HDAC4: variants seen among roughly 807,000 people sequenced by gnomAD.
HDAC4 encodes the protein histone deacetylase 4, also known as histone deacetylase A.
In HDAC4, 16 loss-of-function variants were observed where a neutral mutation model predicts 135.1. The observed-to-expected ratio is 0.12, with a 90% confidence interval of 0.08 to 0.18. HDAC4 has a LOEUF of 0.18. HDAC4 is among the 10% of genes least tolerant of loss of function. The pLI is 1.00. For synonymous variants in HDAC4, 685 were observed against 653.4 expected, an observed-to-expected ratio of 1.05 and a Z score of -0.74; for missense variants, 1,143 against 1,511.8, an observed-to-expected ratio of 0.76 and a Z score of 4.05.
chr2:239,173,164 C>T (rs2043558205), intron 5 of HDAC4, among the ~76,000 whole-genome samples: 1 of 152,130 alleles, frequency 6.6e-6, no homozygotes. Context: ...CTGAGGCCAG[C>T]ACAGTCATGA....
chr2:239,092,341 C>T (rs1449352382), intron 17 of HDAC4, among the ~76,000 whole-genome samples: 6 of 152,106 alleles, frequency 3.9e-5, no homozygotes, highest in African/African-American at 7.2e-5. Context: ...CCAGCAGAGG[C>T]GGGGTCCCAG....
chr2:239,078,133 C>G (rs532463406), intron 22 of HDAC4, among the ~76,000 whole-genome samples: 1 of 152,194 alleles, frequency 6.6e-6, no homozygotes. Context: ...TCATCGTCAT[C>G]GTCATCTCCC....
intron 3 of HDAC4, among the ~76,000 whole-genome samples, chr2:239,196,530 C>T (rs1038312525): frequency 1.3e-5 from 2 of 152,196 alleles, no homozygotes; most frequent in African/African-American, 4.8e-5. Context: ...GAGGAGTTGA[C>T]GATGGTTCCC....
At chr2:239,103,164 C>T (rs939252475) in intron 15 of HDAC4, among the ~76,000 whole-genome samples, 1 of 152,192 alleles carries the variant, frequency 6.6e-6, no homozygotes, top group African/African-American at 2.4e-5. Flanking sequence ...ATGCATTACC[C>T]TTCACTGTCG....
At chr2:239,252,804 T>A (rs1313011514) in intron 2 of HDAC4, among the ~76,000 whole-genome samples, 1 of 152,232 alleles carries the variant, frequency 6.6e-6, no homozygotes, top group African/African-American at 2.4e-5. Context: ...TAATCCCTTA[T>A]CTTCTGTTTA....
intron 15 of HDAC4, among the ~76,000 whole-genome samples, 187 bp from the exon 16 acceptor site, chr2:239,103,083 G>T (rs1314369948): frequency 1.3e-5 from 2 of 152,206 alleles, no homozygotes; most frequent in African/African-American, 4.8e-5. Context: ...AAATATTTAA[G>T]AAATATTTTA....
intron 3 of HDAC4, among the ~76,000 whole-genome samples, chr2:239,214,439 T>C (rs2046511327): frequency 6.6e-6 from 1 of 152,218 alleles, no homozygotes; most frequent in Non-Finnish European, 1.5e-5. Context: ...AGAGCTCCTT[T>C]GGCCGGGTAA....
rs954889194 is a variant in HDAC4 at position 239,364,773 on chromosome 2, C to T, written c.-219-11855G>A. Among the ~76,000 whole-genome samples the T allele has an allele frequency of 4.6e-5, 7 of 152,242 alleles. No homozygotes were observed. The East Asian group carries it at 7.7e-4, about 17-fold the overall frequency. Reference sequence around the variant, plus strand: ...ATCTGACTGGTCCATGCAGCTTGCACGATCTTACCTGGACTTTCCAGACAG... The same window carrying T: ...ATCTGACTGGTCCATGCAGCTTGCATGATCTTACCTGGACTTTCCAGACAG... On this transcript the variant is annotated intron_variant, in intron 1 of 26. Coordinates refer to ENST00000543185, the MANE Select transcript of HDAC4 (RefSeq NM_001378414.1).
rs981798733 is a variant in HDAC4 at position 239,379,922 on chromosome 2, C to T, written c.-220+21056G>A. Among the ~76,000 whole-genome samples the T allele has an allele frequency of 4.6e-5, 7 of 152,184 alleles. No individual in the cohort carries two copies. The East Asian group carries it at 7.7e-4, about 17-fold the overall frequency. ...GGGATAGGGAGACAGTGGAATGCTC[C>T]GGACCTGGCTGCGGGGTGACTCGGG... On this transcript the variant is annotated intron_variant, in intron 1 of 26. Coordinates refer to ENST00000543185, the MANE Select transcript of HDAC4 (RefSeq NM_001378414.1).
intron 7 of HDAC4, among the ~76,000 whole-genome samples, chr2:239,149,537 C>T (rs771718886): frequency 4.5e-4 from 69 of 152,174 alleles, no homozygotes; most frequent in Middle Eastern, 3.4e-3. Context: ...AACAGGTGAA[C>T]GCACTGCCGC....
intron 15 of HDAC4, 52 bp downstream of exon 15, chr2:239,107,998 C>G: frequency 1.2e-6 from 2 of 1,607,424 alleles, no homozygotes; most frequent in Non-Finnish European, 1.7e-6. Context: ...ACGAGGGTCC[C>G]CTCTAATGGT....
chr2:239,210,087 C>T (rs1209419251), intron 3 of HDAC4, among the ~76,000 whole-genome samples: 1 of 152,190 alleles, frequency 6.6e-6, no homozygotes, highest in Admixed American at 6.5e-5. Flanking sequence ...GCAACAAGCC[C>T]TCTCCTTAGG....
intron 3 of HDAC4, among the ~76,000 whole-genome samples, chr2:239,220,789 A>G (rs957574074): frequency 6.6e-6 from 1 of 152,222 alleles, no homozygotes; most frequent in Non-Finnish European, 1.5e-5. Flanking sequence ...AACGAGCCAT[A>G]TATTTTATTA....
chr2:239,282,680 CCA>C (rs2050867499), intron 2 of HDAC4, among the ~76,000 whole-genome samples: 1 of 150,642 alleles, frequency 6.6e-6, no homozygotes, highest in African/African-American at 2.4e-5. Context: ...AATGTACACA[CCA>C]CTCTACAATG....
rs550801974 is a variant in HDAC4 at position 239,158,764 on chromosome 2, G to A, written c.612-1991C>T. Among the ~76,000 whole-genome samples the A allele has an allele frequency of 9.2e-4, 140 of 152,166 alleles. 1 individual carries two copies. Among genetic ancestry groups the A allele is most frequent in the African/African-American group, 3.3e-3 (136 of 41,504 alleles). The stretch of plus-strand genomic sequence containing the variant: ...ACACCAGGAGAGGGCGGCCCTCACC[G>A]TCAGGGCAGGTCACACCCGCCCAGC... On this transcript the variant is annotated intron_variant, in intron 6 of 26. Coordinates refer to ENST00000543185, the MANE Select transcript of HDAC4 (RefSeq NM_001378414.1).
At chr2:239,368,180 T>C (rs1178436945) in intron 1 of HDAC4, among the ~76,000 whole-genome samples, 1 of 152,088 alleles carries the variant, frequency 6.6e-6, no homozygotes, top group Non-Finnish European at 1.5e-5. Context: ...CCATGCTAAT[T>C]TGCAGGAGTG....
chr2:239,384,010 G>C (rs1033506034), intron 1 of HDAC4, among the ~76,000 whole-genome samples: 2 of 152,234 alleles, frequency 1.3e-5, no homozygotes, highest in Non-Finnish European at 2.9e-5. Context: ...TGAGTAACGA[G>C]GCGCAGTCCA....
intron 2 of HDAC4, among the ~76,000 whole-genome samples, chr2:239,268,221 C>A (rs2049856285): frequency 2.0e-5 from 3 of 152,200 alleles, no homozygotes; most frequent in Admixed American, 1.3e-4. Flanking sequence ...CTGGGAATGC[C>A]AACAGCGCTG....
At chr2:239,242,491 A>G (rs2048245784) in intron 2 of HDAC4, among the ~76,000 whole-genome samples, 1 of 152,186 alleles carries the variant, frequency 6.6e-6, no homozygotes, top group Non-Finnish European at 1.5e-5. Context: ...AACACAATTA[A>G]TTTTTACTTA....
Sources: gnomAD v4.1 joint callset for allele counts (sites outside exome capture counted in the v4.1 genomes callset) on GRCh38, gnomAD v4.1.1 for gene constraint, MANE v1.5 for transcripts, NCBI Gene and HGNC (gene_info 2026-07-23, HGNC 2026-07-21) for gene names.